The following GOLIM4 variants were observed in gnomAD, a reference collection of about 807,000 sequenced individuals.
GOLIM4 encodes 130 kDa golgi-localized phosphoprotein.
Under a neutral mutation model 107.4 loss-of-function variants are expected in GOLIM4, and 71 were observed. The observed-to-expected ratio is 0.66, with a 90% CI of 0.55 to 0.81. GOLIM4 has a LOEUF of 0.81. Ranked by LOEUF, GOLIM4 falls within the 30% of genes least tolerant of loss-of-function variation. GOLIM4 has a pLI of 0.00. For synonymous variants in GOLIM4, 327 were observed against 294.8 expected (o/e 1.11, Z -1.12); for missense variants, 830 against 826.1 (o/e 1.00, Z -0.06).
chr3:168,038,527 T>C (rs1718788076), intron 7 of GOLIM4, among the ~76,000 whole-genome samples: 1 of 152,198 alleles, frequency 6.6e-6, no homozygotes, highest in South Asian at 2.1e-4. Context: ...GCTTCAACCT[T>C]GGTTCTGGTC....
intron 14 of GOLIM4, among the ~76,000 whole-genome samples, chr3:168,020,637 G>A (rs915586416): frequency 3.3e-5 from 5 of 152,184 alleles, no homozygotes; most frequent in African/African-American, 1.2e-4. Flanking sequence ...TTTACCAGTT[G>A]TCAATATAAT....
intron 1 of GOLIM4, among the ~76,000 whole-genome samples, chr3:168,085,107 AAAG>A: frequency 6.6e-6 from 1 of 152,330 alleles, no homozygotes; most frequent in Admixed American, 6.5e-5. Flanking sequence ...TGCTAAACAA[AAAG>A]GAGGCAGGAC....
intron 14 of GOLIM4, among the ~76,000 whole-genome samples, chr3:168,012,815 A>T (rs1292151012): frequency 6.6e-6 from 1 of 152,062 alleles, no homozygotes; most frequent in Non-Finnish European, 1.5e-5. Flanking sequence ...GGAGAAATAA[A>T]ATCCTTTACA....
At chr3:168,019,644 TAACTC>T (rs1246110332) in intron 14 of GOLIM4, among the ~76,000 whole-genome samples, 5 of 152,252 alleles carry the variant, frequency 3.3e-5, no homozygotes, top group Admixed American at 2.0e-4. Flanking sequence ...TTATATCACT[TAACTC>T]ATTTCTCTAG....
chr3:168,044,651 A>G (rs182660917), intron 4 of GOLIM4, among the ~76,000 whole-genome samples, 177 bp downstream of exon 4: 6 of 152,360 alleles, frequency 3.9e-5, no homozygotes, highest in African/African-American at 1.2e-4. Flanking sequence ...CGAGTGATAA[A>G]TACGACAAGC....
At chr3:168,088,573 ACC>A (rs1228981109) in intron 1 of GOLIM4, among the ~76,000 whole-genome samples, 1 of 152,150 alleles carries the variant, frequency 6.6e-6, no homozygotes, top group Non-Finnish European at 1.5e-5. Flanking sequence ...TTGCACTGAA[ACC>A]ACATCTGATG....
chr3:168,050,312 G>A (rs1038788420), intron 1 of GOLIM4, among the ~76,000 whole-genome samples: 4 of 151,628 alleles, frequency 2.6e-5, no homozygotes, highest in African/African-American at 7.3e-5. Context: ...TAAGCCCCTT[G>A]GACAATTACT....
chr3:168,078,264 T>A (rs760121384), intron 1 of GOLIM4, among the ~76,000 whole-genome samples: 1 of 152,182 alleles, frequency 6.6e-6, no homozygotes, highest in Admixed American at 6.5e-5. Context: ...TTTACACAAA[T>A]ATTTTGTTAA....
Position 168,090,158 on chromosome 3 carries a change from A to G in GOLIM4, c.187+4941T>C, listed in dbSNP as rs115897693. Among the ~76,000 whole-genome samples, 518 of 152,322 alleles carry G rather than the reference A, an allele frequency of 3.4e-3. 3 individuals are homozygous for G. Among genetic ancestry groups the G allele is most frequent in the African/African-American group, 0.012 (498 of 41,576 alleles). ...GTATTCATGCTTAGGCCAGTGGGCC[A>G]TCCTGAGTGTTAGAGGAGCCCAATG... On this transcript the variant is annotated intron_variant, in intron 1 of 15. Coordinates refer to ENST00000470487, the MANE Select transcript of GOLIM4 (RefSeq NM_014498.5).
chr3:168,053,878 G>C (rs987904817), intron 1 of GOLIM4, among the ~76,000 whole-genome samples: 2 of 152,044 alleles, frequency 1.3e-5, no homozygotes, highest in Non-Finnish European at 1.5e-5. Context: ...AGATCTCCTA[G>C]AAAACAACCC....
At position 168,040,940 on chromosome 3, in the gene GOLIM4, T is replaced by C. The variant is rs925832768; in HGVS notation, c.601-71A>G. ...CAAATTCTTCTTTGGCTGATCGTGA[T>C]ATGGCTACCCAAATGTTACTTGCTT... On this transcript the variant is annotated intron_variant, in intron 6 of 15. Coordinates refer to ENST00000470487, the MANE Select transcript of GOLIM4 (RefSeq NM_014498.5). 9 of 934,962 alleles carry C rather than the reference T, an allele frequency of 9.6e-6. No homozygotes were observed. In the African/African-American group the frequency reaches 1.5e-4, roughly 15 times the overall value. The allele number at this position is 934,962 out of a possible 1,614,324, so 57.9% of individuals were successfully genotyped here. A position where few individuals can be genotyped will look rare whatever the true frequency, so the allele number is the denominator to read the frequency against.
rs868168908 is a variant in GOLIM4 at position 168,024,710 on chromosome 3, G to A, written c.1792-116C>T. 201 of 919,238 alleles carry A rather than the reference G, an allele frequency of 2.2e-4. 1 individual carries two copies. In the Middle Eastern group the frequency reaches 0.011, roughly 49 times the overall value. 56.9% of individuals were successfully genotyped at this position (919,238 alleles called of 1,614,324 possible). ...TGAAAAGGGCACTTTCAAAGCGTCT[G>A]TGGCCAGGAAATGATGAGTAATCAT... On this transcript the variant is annotated intron_variant, in intron 13 of 15. Coordinates refer to ENST00000470487, the MANE Select transcript of GOLIM4 (RefSeq NM_014498.5).
chr3:168,013,105 AAG>A (rs1314570229), intron 14 of GOLIM4, among the ~76,000 whole-genome samples: 1 of 151,554 alleles, frequency 6.6e-6, no homozygotes, highest in East Asian at 1.9e-4. Flanking sequence ...AAATTGGATG[AAG>A]AGTCAAGACC....
At position 168,095,083 on chromosome 3, in the gene GOLIM4, G is replaced by A; in HGVS notation, c.187+16C>T. The stretch of plus-strand genomic sequence containing the variant: ...GCAAAGTTGGCCACCGGCTGCGCGC[G>A]TCCCGTTAGCCGTACCTTGTAACTG... On this transcript the variant is annotated intron_variant, in intron 1 of 15. Coordinates refer to ENST00000470487, the MANE Select transcript of GOLIM4 (RefSeq NM_014498.5). 1.9e-6 allele frequency: 3 copies of A among 1,582,076 alleles called. No individual in the cohort carries two copies. The highest frequency in any genetic ancestry group is 1.3e-5 in the African/African-American group (1 of 74,184).
At position 168,011,544 on chromosome 3, in the gene GOLIM4, A is replaced by T. The variant is rs909614595; in HGVS notation, c.1861-721T>A. Reference sequence around the variant, plus strand: ...GCTCCAACTGGGCGGAGCCCACCACAGCTCAAGGAGGCCTGCCTGCCTCTG... The same window carrying T: ...GCTCCAACTGGGCGGAGCCCACCACTGCTCAAGGAGGCCTGCCTGCCTCTG... On this transcript the variant is annotated intron_variant, in intron 14 of 15. Coordinates refer to ENST00000470487, the MANE Select transcript of GOLIM4 (RefSeq NM_014498.5). Among the ~76,000 whole-genome samples the T allele has an allele frequency of 2.0e-5, 3 of 151,920 alleles. No individual in the cohort carries two copies. The South Asian group carries it at 6.2e-4, about 31-fold the overall frequency.
At chr3:168,028,139 A>C (rs1718111730) in intron 11 of GOLIM4, among the ~76,000 whole-genome samples, 1 of 152,234 alleles carries the variant, frequency 6.6e-6, no homozygotes, top group Non-Finnish European at 1.5e-5. Context: ...TCAATAAAAG[A>C]AAGCCCAGTT....
Position 168,095,406 on chromosome 3 carries a change from G to A in GOLIM4, c.-121C>T, listed in dbSNP as rs1377690047. 1.3e-6 allele frequency: 1 copy of A among 794,676 alleles called. No individual in the cohort carries two copies. The highest frequency in any genetic ancestry group is 2.0e-6 in the Non-Finnish European group (1 of 512,018). 49.2% of individuals were successfully genotyped at this position (794,676 alleles called of 1,614,324 possible). A position where few individuals can be genotyped will look rare whatever the true frequency, so the allele number is the denominator to read the frequency against. ...GACGCAGCATGAGGAGGAGATGCCA[G>A]ACACAAAAGCCGGCCCGGAGGGGAA... On this transcript the variant is annotated 5_prime_UTR_variant, in exon 1 of 16. Coordinates refer to ENST00000470487, the MANE Select transcript of GOLIM4 (RefSeq NM_014498.5).
intron 10 of GOLIM4, 34 bp downstream of exon 10, chr3:168,029,746 G>T: frequency 6.2e-7 from 1 of 1,604,452 alleles, no homozygotes. Flanking sequence ...TGGAGCAGGG[G>T]CTGTCTTCGT....
At chr3:168,029,742 AG>A in intron 10 of GOLIM4, 37 bp downstream of exon 10, 1 of 1,603,168 alleles carries the variant, frequency 6.2e-7, no homozygotes, top group South Asian at 1.1e-5. Context: ...AAACTGGAGC[AG>A]GGGCTGTCTT....
Sources: allele counts gnomAD v4.1 joint callset (sites outside exome capture counted in the v4.1 genomes callset), GRCh38; gene constraint gnomAD v4.1.1; transcripts MANE v1.5; gene names NCBI Gene and HGNC (gene_info 2026-07-23, HGNC 2026-07-21).